The following MFHAS1 variants were observed in gnomAD, a reference collection of about 807,000 sequenced individuals.
The protein encoded by MFHAS1 is multifunctional ROCO family signaling regulator 1.
MFHAS1 carries 50 observed loss-of-function variants against 70.4 expected under a neutral mutation model. The observed-to-expected ratio is 0.71, with a 90% CI of 0.57 to 0.90. MFHAS1 has a LOEUF of 0.90. MFHAS1 is among the 40% of genes least tolerant of loss of function. MFHAS1 has a pLI of 0.00. For synonymous variants in MFHAS1, 952 were observed against 620.0 expected (o/e 1.54, Z -7.96); for missense variants, 1,795 against 1,347.6 (o/e 1.33, Z -5.20).
intron 1 of MFHAS1, among the ~76,000 whole-genome samples, chr8:8,807,953 A>G (rs994891256): frequency 2.0e-4 from 30 of 152,268 alleles, no homozygotes; most frequent in African/African-American, 7.2e-4. Flanking sequence ...GGTTTCGGCT[A>G]CCAGCCATCA....
intron 1 of MFHAS1, among the ~76,000 whole-genome samples, chr8:8,831,345 T>C (rs1434338655): frequency 6.6e-6 from 1 of 152,178 alleles, no homozygotes; most frequent in East Asian, 1.9e-4. Context: ...TTACTTCATT[T>C]TTCCAATATG....
rs1563226467 is a variant in MFHAS1 at position 8,892,238 on chromosome 8, C to G, written c.821G>C (p.Arg274Pro). The G allele has an allele frequency of 6.2e-7, 1 of 1,611,550 alleles. No individual in the cohort carries two copies. The highest frequency in any genetic ancestry group is 1.1e-5 in the South Asian group (1 of 91,082). ...GGAGGAGAGGTTGAGCATTTTGAGC[C>G]GCTGCAGGCAGCTGAACTGGGCGGG... ...ALPAQFSCLQ[R>P]LKMLNLSSNL... Residue 274 changes from arginine (R) to proline (P), a missense_variant, in exon 1 of 3, where the codon CGG becomes CCG. Transcript: ENST00000276282. The surrounding 1 kb of genome is among the most constrained non-coding windows in gnomAD (Gnocchi z 4.7).
intron 1 of MFHAS1, among the ~76,000 whole-genome samples, chr8:8,843,262 C>G (rs1447598479): frequency 1.5e-5 from 2 of 131,864 alleles, no homozygotes; most frequent in South Asian, 4.8e-4. Context: ...GGCGACAGAG[C>G]GAGACTCCGT....
At chr8:8,823,166 C>G (rs1305897402) in intron 1 of MFHAS1, among the ~76,000 whole-genome samples, 1 of 152,190 alleles carries the variant, frequency 6.6e-6, no homozygotes, top group African/African-American at 2.4e-5. Flanking sequence ...CTGACTAGAA[C>G]ACAGTAACTA....
intron 1 of MFHAS1, among the ~76,000 whole-genome samples, chr8:8,798,665 A>C (rs1805985624): frequency 6.6e-6 from 1 of 152,130 alleles, no homozygotes; most frequent in Non-Finnish European, 1.5e-5. Flanking sequence ...CAAATCAAGG[A>C]TGTGAAATGT....
chr8:8,829,088 C>T (rs1001503417), intron 1 of MFHAS1, among the ~76,000 whole-genome samples: 2 of 152,228 alleles, frequency 1.3e-5, no homozygotes, highest in African/African-American at 2.4e-5. Flanking sequence ...GCCCCCTGCC[C>T]ACTTTCCCAG....
intron 1 of MFHAS1, among the ~76,000 whole-genome samples, chr8:8,822,800 G>C (rs1055112625): frequency 1.4e-5 from 2 of 146,096 alleles, no homozygotes; most frequent in Admixed American, 6.8e-5. Flanking sequence ...GGGGGATTTA[G>C]AAGGGGACAG....
At chr8:8,877,287 G>C (rs1353084708) in intron 1 of MFHAS1, among the ~76,000 whole-genome samples, 1 of 83,654 alleles carries the variant, frequency 1.2e-5, no homozygotes, top group Non-Finnish European at 2.4e-5. Context: ...GGGTGACAGA[G>C]TGAGACCCTG....
intron 1 of MFHAS1, among the ~76,000 whole-genome samples, chr8:8,866,484 A>G (rs750495517): frequency 1.3e-4 from 19 of 151,972 alleles, no homozygotes; most frequent in Admixed American, 1.1e-3. Flanking sequence ...ACGCCCAGCT[A>G]ATTTTTTATT....
At chr8:8,809,724 G>A (rs1016013524) in intron 1 of MFHAS1, among the ~76,000 whole-genome samples, 1 of 152,124 alleles carries the variant, frequency 6.6e-6, no homozygotes, top group Non-Finnish European at 1.5e-5. Context: ...GAGGGGGAGG[G>A]GGAGGAGCAG....
chr8:8,878,365 G>C (rs1809376484), intron 1 of MFHAS1, among the ~76,000 whole-genome samples: 1 of 152,136 alleles, frequency 6.6e-6, no homozygotes, highest in South Asian at 2.1e-4. Context: ...TGAAAGCAAA[G>C]ACAGTAATAA....
chr8:8,816,089 A>G (rs1806732251), intron 1 of MFHAS1, among the ~76,000 whole-genome samples: 1 of 152,200 alleles, frequency 6.6e-6, no homozygotes, highest in African/African-American at 2.4e-5. Flanking sequence ...CCATTATACA[A>G]AATTCTAGAC....
chr8:8,854,420 C>A (rs577977757), intron 1 of MFHAS1, among the ~76,000 whole-genome samples: 1 of 152,116 alleles, frequency 6.6e-6, no homozygotes, highest in South Asian at 2.1e-4. Flanking sequence ...ACTCCGGAGG[C>A]TGAGGCAGGA....
chr8:8,859,526 A>G (rs1808582207), intron 1 of MFHAS1, among the ~76,000 whole-genome samples: 1 of 152,074 alleles, frequency 6.6e-6, no homozygotes, highest in Admixed American at 6.6e-5. Flanking sequence ...CACCCCTACC[A>G]TGCCTGAGAC....
chr8:8,887,255 T>C (rs1244566046), intron 1 of MFHAS1, among the ~76,000 whole-genome samples: 1 of 152,228 alleles, frequency 6.6e-6, no homozygotes, highest in Non-Finnish European at 1.5e-5. Context: ...ATGTATGCTC[T>C]ACTTAAACAC....
chr8:8,828,124 T>G (rs561454475), intron 1 of MFHAS1, among the ~76,000 whole-genome samples: 1 of 152,316 alleles, frequency 6.6e-6, no homozygotes, highest in Non-Finnish European at 1.5e-5. Flanking sequence ...ACATATGCCC[T>G]ACCTTCGAGA....
chr8:8,859,915 T>G (rs537437484), intron 1 of MFHAS1: 1 of 152,310 alleles, frequency 6.6e-6, no homozygotes, highest in South Asian at 2.1e-4. Flanking sequence ...TTAAGTGATA[T>G]CTGGTATTAA....
At chr8:8,860,461 C>A (rs985263784) in intron 1 of MFHAS1, among the ~76,000 whole-genome samples, 1 of 152,328 alleles carries the variant, frequency 6.6e-6, no homozygotes, top group East Asian at 1.9e-4. Flanking sequence ...TGCTGGCATG[C>A]ATCTCTACTA....
intron 1 of MFHAS1, among the ~76,000 whole-genome samples, chr8:8,859,380 A>C (rs773617120): frequency 2.0e-5 from 3 of 152,142 alleles, no homozygotes; most frequent in Non-Finnish European, 2.9e-5. Context: ...ATGTTTCCTA[A>C]CTGTGGAACT....
Sources: gnomAD v4.1 joint callset for allele counts (sites outside exome capture counted in the v4.1 genomes callset) on GRCh38, gnomAD v4.1.1 for gene constraint, Gnocchi (gnomAD v3.1) non-coding constraint, MANE v1.5 for transcripts, NCBI Gene and HGNC (gene_info 2026-07-23, HGNC 2026-07-21) for gene names.